The following ARL17A variants were observed in gnomAD, a reference collection of about 807,000 sequenced individuals.
The protein encoded by ARL17A is ARF like GTPase 17A.
intron 4 of ARL17A, among the ~76,000 whole-genome samples, chr17:46,533,925 A>G (rs1242016838): frequency 8.1e-3 from 934 of 115,360 alleles, no homozygotes; most frequent in Non-Finnish European, 0.01. Flanking sequence ...TTTCAAAGGT[A>G]GTTTTGCCAG....
chr17:46,510,555 T>C, the ARL17A span, among the ~76,000 whole-genome samples: 1 of 498 alleles, frequency 2.0e-3, no homozygotes, highest in African/African-American at 2.9e-3. Flanking sequence ...TTTTTTGAGA[T>C]GGAGTCTCAC....
At chr17:46,558,459 T>G (rs2057407126) in intron 3 of ARL17A, among the ~76,000 whole-genome samples, 1 of 118,920 alleles carries the variant, frequency 8.4e-6, no homozygotes, top group East Asian at 2.8e-4. Flanking sequence ...TGATCTCGGT[T>G]GACTGCAACC....
At chr17:46,503,166 C>G in the ARL17A span, among the ~76,000 whole-genome samples, 1 of 142,212 alleles carries the variant, frequency 7.0e-6, no homozygotes, top group Non-Finnish European at 1.5e-5. Flanking sequence ...GAGCCGAGAT[C>G]ATGCCACTGC....
At chr17:46,544,814 A>C (rs1387114774) in intron 3 of ARL17A, among the ~76,000 whole-genome samples, 4 of 120,616 alleles carry the variant, frequency 3.3e-5, no homozygotes, top group African/African-American at 1.4e-4. Context: ...GAAAAAATTC[A>C]AACAAGCCAG....
At chr17:46,551,102 A>AG, downstream of ARL17A, among the ~76,000 whole-genome samples, 1 of 149,820 alleles carries the variant, frequency 6.7e-6, no homozygotes, top group Non-Finnish European at 1.5e-5. Context: ...CTCATACTCT[A>AG]GCCCTCCTGA....
At chr17:46,528,732 A>G, downstream of ARL17A, 2 of 672,162 alleles carry the variant, frequency 3.0e-6, no homozygotes, top group Non-Finnish European at 5.3e-6. Context: ...CTCAAAAAAA[A>G]AAAAAAAAAG....
At chr17:46,532,448 C>G (rs1339467717) in intron 4 of ARL17A, among the ~76,000 whole-genome samples, 2 of 149,816 alleles carry the variant, frequency 1.3e-5, no homozygotes, top group African/African-American at 2.5e-5. Flanking sequence ...AGGAAATGTT[C>G]TTTCCTCATC....
the ARL17A span, among the ~76,000 whole-genome samples, chr17:46,501,650 C>A: frequency 6.6e-6 from 1 of 151,194 alleles, no homozygotes; most frequent in Non-Finnish European, 1.5e-5. Context: ...TTGTAGAAAT[C>A]CTATTCCATG....
intron 3 of ARL17A, among the ~76,000 whole-genome samples, chr17:46,543,347 T>C (rs1385167161): frequency 2.7e-5 from 4 of 150,676 alleles, no homozygotes; most frequent in African/African-American, 1.0e-4. Context: ...GTCTCAAAGA[T>C]TTGTCAGTAT....
In ARL17A at chr17:46,535,006, A is replaced by G. The variant is rs1347943968; in HGVS notation, c.335+3345T>C. On this transcript the variant is annotated intron_variant, in intron 4 of 4. Coordinates refer to the ARL17A transcript ENST00000329240. ...CAGAGATGCTCCTCACCTCCCAGAC[A>G]GGGTCGCGGCCGGGCAGAGGCGCTC... is the stretch of plus-strand genomic sequence containing the variant. Among the ~76,000 whole-genome samples, 14 of 147,104 alleles carry G rather than the reference A, an allele frequency of 9.5e-5. 1 individual carries two copies. Among genetic ancestry groups the G allele is most frequent in the African/African-American group, 3.4e-4 (13 of 37,704 alleles).
downstream of ARL17A, among the ~76,000 whole-genome samples, chr17:46,551,422 G>A (rs1388538877): frequency 6.7e-6 from 1 of 149,806 alleles, no homozygotes; most frequent in Admixed American, 6.6e-5. Context: ...TATTGTGGCA[G>A]CCCTCCATTC....
chr17:46,516,160 A>C (rs546500856), downstream of ARL17A, among the ~76,000 whole-genome samples: 53 of 150,198 alleles, frequency 3.5e-4, no homozygotes, highest in East Asian at 7.9e-3. Flanking sequence ...AAAATTAGCC[A>C]GGCATGGTGG....
At chr17:46,534,171 G>A (rs2054185116) in intron 4 of ARL17A, among the ~76,000 whole-genome samples, 1 of 148,182 alleles carries the variant, frequency 6.7e-6, no homozygotes, top group African/African-American at 2.6e-5. Context: ...GCACCACCAT[G>A]CCCAGTTTTT....
intron 3 of ARL17A, chr17:46,546,141 C>G (rs2056282598): frequency 7.7e-7 from 1 of 1,307,140 alleles, no homozygotes; most frequent in Admixed American, 1.8e-5. Context: ...ACTGTCCAGT[C>G]CATAGGCTTC....
chr17:46,548,791 C>G (rs771243099), downstream of ARL17A: 2 of 1,611,816 alleles, frequency 1.2e-6, no homozygotes, highest in South Asian at 2.2e-5. Context: ...GGAACAGCCC[C>G]ACACACAGCA....
chr17:46,558,712 T>C (rs2057428029), intron 3 of ARL17A: 1 of 136,728 alleles, frequency 7.3e-6, no homozygotes, highest in Non-Finnish European at 1.6e-5. Flanking sequence ...TTTCTGAAAA[T>C]ACACCTGTGG....
intron 3 of ARL17A, among the ~76,000 whole-genome samples, chr17:46,541,657 G>A (rs2055344908): frequency 1.3e-5 from 2 of 150,818 alleles, no homozygotes; most frequent in Admixed American, 1.3e-4. Context: ...TAGATTCAAC[G>A]AACCATGGAT....
intron 3 of ARL17A, among the ~76,000 whole-genome samples, chr17:46,542,526 G>GATATATATAT (rs879872588): frequency 4.8e-5 from 7 of 145,946 alleles, no homozygotes; most frequent in Admixed American, 6.7e-5. Flanking sequence ...TATATATATA[G>GATATATATAT]ATATAGATAT....
At chr17:46,535,005 C>G (rs1267003472) in intron 4 of ARL17A, among the ~76,000 whole-genome samples, 1 of 150,158 alleles carries the variant, frequency 6.7e-6, no homozygotes, top group African/African-American at 2.5e-5. Context: ...ACCTCCCAGA[C>G]AGGGTCGCGG....
Sources: gnomAD v4.1 joint callset for allele counts (sites outside exome capture counted in the v4.1 genomes callset) on GRCh38, gnomAD v4.1.1 for gene constraint, MANE v1.5 for transcripts, NCBI Gene and HGNC (gene_info 2026-07-23, HGNC 2026-07-21) for gene names.